CYB5B: variants seen among roughly 807,000 people sequenced by gnomAD.
CYB5B encodes cytochrome b5 type B.
In CYB5B, 14 loss-of-function variants were observed where a neutral mutation model predicts 21.3. The ratio of observed to expected loss-of-function variants is 0.66; its 90% CI spans 0.43 to 1.03. CYB5B has a LOEUF of 1.03. Ranked by LOEUF, CYB5B falls within the 50% of genes least tolerant of loss-of-function variation. The pLI is 0.00. For synonymous variants in CYB5B, 69 were observed against 68.4 expected (o/e 1.01, Z -0.04); for missense variants, 166 against 185.1 (o/e 0.90, Z 0.60).
intron 1 of CYB5B, among the ~76,000 whole-genome samples, chr16:69,441,433 C>T (rs1206274948): frequency 1.3e-5 from 2 of 152,322 alleles, no homozygotes; most frequent in South Asian, 2.1e-4. Context: ...GGATTATAGG[C>T]GTGAGCCACC....
chr16:69,451,936 C>A (rs1236529997), intron 3 of CYB5B, among the ~76,000 whole-genome samples: 4 of 140,142 alleles, frequency 2.9e-5, no homozygotes, highest in African/African-American at 8.0e-5. Flanking sequence ...AAGCGAGACG[C>A]CGTCTCAAAA....
intron 1 of CYB5B, among the ~76,000 whole-genome samples, chr16:69,444,791 G>C (rs1437702912): frequency 1.3e-5 from 2 of 152,024 alleles, no homozygotes; most frequent in Non-Finnish European, 1.5e-5. Flanking sequence ...AAAAATTGTA[G>C]ACTAATGGCT....
intron 1 of CYB5B, among the ~76,000 whole-genome samples, chr16:69,425,131 C>A (rs753626872): frequency 4.5e-4 from 69 of 152,280 alleles, no homozygotes; most frequent in Non-Finnish European, 7.8e-4. Flanking sequence ...TCTAAGCCAT[C>A]ATTATCTTTA....
rs2015015819 is a variant in CYB5B, at chr16:69,459,740, AT to A, written c.362+625del. Among the ~76,000 whole-genome samples, 4 of 152,214 alleles carry A rather than the reference AT, an allele frequency of 2.6e-5. No individual in the cohort carries two copies. In the South Asian group the frequency reaches 8.3e-4, roughly 32 times the overall value. Reference sequence around the variant, plus strand: ...GAGATTATATAGAGCTAGCCATTCTATTTTTTGGACATCTCGAAGTATTTCA... The same window carrying A: ...GAGATTATATAGAGCTAGCCATTCTATTTTTGGACATCTCGAAGTATTTCA... On this transcript the variant is annotated intron_variant, in intron 4 of 4. Transcript: ENST00000307892.
chr16:69,426,952 T>C (rs2014653932), intron 1 of CYB5B, among the ~76,000 whole-genome samples: 1 of 152,062 alleles, frequency 6.6e-6, no homozygotes, highest in South Asian at 2.1e-4. Flanking sequence ...GAAAATCAAG[T>C]TTTTTGGCTG....
At position 69,447,407 on chromosome 16, in the gene CYB5B, C is replaced by G. The variant is rs1233748825; in HGVS notation, c.303+129C>G. 2.4e-6 allele frequency: 3 copies of G among 1,260,228 alleles called. No homozygotes were observed. The African/African-American group carries it at 4.5e-5, about 19-fold the overall frequency. The allele number at this position is 1,260,228 out of a possible 1,614,324, so 78.1% of individuals were successfully genotyped here. ...CTGTCATCCCAGTACTTTGGGATGC[C>G]AAGGCAGGCGGATCACTTGAGGTCA... On this transcript the variant is annotated intron_variant, in intron 2 of 4. Transcript: ENST00000307892.
chr16:69,435,116 C>T (rs1391499095), intron 1 of CYB5B, among the ~76,000 whole-genome samples: 1 of 152,114 alleles, frequency 6.6e-6, no homozygotes. Context: ...GAGCTTTCTA[C>T]TTTACCACTT....
intron 4 of CYB5B, 68 bp from the exon 5 acceptor site, chr16:69,462,362 A>G (rs909043872): frequency 1.2e-5 from 15 of 1,276,116 alleles, no homozygotes; most frequent in Non-Finnish European, 1.6e-5. Flanking sequence ...AACATGTGAA[A>G]GCTGAAAGAT....
rs1265114877 is a variant in CYB5B, at chr16:69,464,973, GT to G, written c.*2456del. 6.6e-6 allele frequency: 1 copy of G among 152,562 alleles called. No homozygotes were observed. Among genetic ancestry groups the G allele is most frequent in the Admixed American group, 6.5e-5 (1 of 15,278 alleles). The allele number at this position is 152,562 out of a possible 1,614,324, so 9.5% of individuals were successfully genotyped here. ...GGTGAAAGCTAAATCTTGTGTGAGAGTTTGCAGAGGTTTTTCTATACAATAA... is the reference window on the plus strand; with the variant it reads ...GGTGAAAGCTAAATCTTGTGTGAGAGTTGCAGAGGTTTTTCTATACAATAA... On this transcript the variant is annotated 3_prime_UTR_variant, in exon 5 of 5. Coordinates refer to ENST00000307892, the MANE Select transcript of CYB5B (RefSeq NM_030579.3).
chr16:69,439,471 A>G (rs992124910), intron 1 of CYB5B, among the ~76,000 whole-genome samples: 2 of 152,140 alleles, frequency 1.3e-5, no homozygotes, highest in Non-Finnish European at 2.9e-5. Context: ...GGCCTCCCAA[A>G]GTGCTGGGAT....
intron 1 of CYB5B, among the ~76,000 whole-genome samples, chr16:69,430,248 G>A (rs1195086813): frequency 2.0e-5 from 3 of 151,844 alleles, no homozygotes; most frequent in African/African-American, 4.8e-5. Context: ...AGACAGTCTG[G>A]CTCTGTTGTC....
intron 2 of CYB5B, among the ~76,000 whole-genome samples, chr16:69,447,505 T>C (rs2014889535): frequency 6.6e-6 from 1 of 152,014 alleles, no homozygotes; most frequent in East Asian, 1.9e-4. Flanking sequence ...TAGCTGGGTG[T>C]GGTGGCGCAC....
chr16:69,442,825 C>CTTTTTTTT (rs11436895), intron 1 of CYB5B, among the ~76,000 whole-genome samples: 3 of 136,156 alleles, frequency 2.2e-5, no homozygotes, highest in African/African-American at 2.7e-5. Context: ...CCTAGCTATC[C>CTTTTTTTT]TTTTTTTTTT....
At chr16:69,451,320 T>A (rs2014928916) in intron 3 of CYB5B, among the ~76,000 whole-genome samples, 1 of 152,194 alleles carries the variant, frequency 6.6e-6, no homozygotes, top group South Asian at 2.1e-4. Context: ...CCTGCCTGCT[T>A]GCCTGCTCTT....
At chr16:69,439,678 TGCCTCA>T (rs2014799626) in intron 1 of CYB5B, among the ~76,000 whole-genome samples, 1 of 152,160 alleles carries the variant, frequency 6.6e-6, no homozygotes, top group African/African-American at 2.4e-5. Flanking sequence ...GTGATTTTCC[TGCCTCA>T]GCCTCCTGAG....
In CYB5B at chr16:69,424,718, G is replaced by A. The variant is rs763256707; in HGVS notation, c.35G>A (p.Gly12Asp). ...TCAATGGCGACTGCGGAAGCTAGCGGCAGCGATGGGAAAGGGCAGGAAGTC... is the reference window on the plus strand; with the variant it reads ...TCAATGGCGACTGCGGAAGCTAGCGACAGCGATGGGAAAGGGCAGGAAGTC... The part of the protein sequence containing the change: ...SGSMATAEAS[G>D]SDGKGQEVET... Residue 12 changes from glycine (G) to aspartate (D), a missense_variant, in exon 1 of 5, where the codon GGC becomes GAC. By Grantham distance (94) the Gly-to-Asp change is moderately conservative (BLOSUM62 -1). Transcript: ENST00000307892. 1.9e-6 allele frequency: 3 copies of A among 1,594,648 alleles called. No homozygotes were observed. The highest frequency in any genetic ancestry group is 4.7e-5 in the East Asian group (2 of 42,670).
Position 69,451,767 on chromosome 16 carries a change from T to C in CYB5B, c.333+3623T>C, listed in dbSNP as rs1023453610. The stretch of plus-strand genomic sequence containing the variant: ...GAGATAGAGCCCATCCTGGCTAACA[T>C]GGTGAAACCCCGTCTCTACTAAAAA... On this transcript the variant is annotated intron_variant, in intron 3 of 4. Coordinates refer to ENST00000307892, the MANE Select transcript of CYB5B (RefSeq NM_030579.3). 4.6e-5 allele frequency among the ~76,000 whole-genome samples: 7 copies of C among 151,506 alleles called. No homozygotes were observed. In the South Asian group the frequency reaches 6.3e-4, roughly 14 times the overall value.
At chr16:69,440,138 G>C (rs1259450000) in intron 1 of CYB5B, among the ~76,000 whole-genome samples, 1 of 152,098 alleles carries the variant, frequency 6.6e-6, no homozygotes, top group Non-Finnish European at 1.5e-5. Flanking sequence ...GCTTCCCAAA[G>C]TCCTGGGATT....
chr16:69,454,128 A>T (rs1374990335), intron 3 of CYB5B, among the ~76,000 whole-genome samples: 4 of 152,206 alleles, frequency 2.6e-5, no homozygotes, highest in African/African-American at 7.2e-5. Flanking sequence ...CCTGATAGAG[A>T]TCATCCTGTG....
Sources: allele counts gnomAD v4.1 joint callset (sites outside exome capture counted in the v4.1 genomes callset), GRCh38; gene constraint gnomAD v4.1.1; transcripts MANE v1.5; gene names NCBI Gene and HGNC (gene_info 2026-07-23, HGNC 2026-07-21).